Variants in LRGUK observed in about 807,000 individuals in gnomAD.
LRGUK encodes the protein leucine rich repeats and guanylate kinase domain containing.
Under a neutral mutation model 76.0 loss-of-function variants are expected in LRGUK, and 65 were observed. The ratio of observed to expected loss-of-function variants is 0.85; its 90% confidence interval spans 0.70 to 1.05. LRGUK has a LOEUF of 1.05. Among genes scored for constraint, LRGUK ranks in the 50% least tolerant of loss-of-function variants. The pLI is 0.00. For synonymous variants in LRGUK, 268 were observed against 265.6 expected, an observed-to-expected ratio of 1.01 and a Z score of -0.09; for missense variants, 758 against 732.8, an observed-to-expected ratio of 1.03 and a Z score of -0.40.
At chr7:134,239,972 AC>A (rs1344902400) in intron 16 of LRGUK, among the ~76,000 whole-genome samples, 1 of 152,226 alleles carries the variant, frequency 6.6e-6, no homozygotes, top group African/African-American at 2.4e-5. Flanking sequence ...ACTCTGACAG[AC>A]CTGCAGCTGA....
chr7:134,265,200 G>A (rs574452448), downstream of LRGUK, among the ~76,000 whole-genome samples: 28 of 152,232 alleles, frequency 1.8e-4, no homozygotes, highest in Admixed American at 9.8e-4. Context: ...CACAAGTATC[G>A]TCTAATCTTT....
At chr7:134,186,540 T>C (rs1799986398) in intron 11 of LRGUK, among the ~76,000 whole-genome samples, 1 of 152,254 alleles carries the variant, frequency 6.6e-6, no homozygotes, top group Non-Finnish European at 1.5e-5. Flanking sequence ...GCTGAATTAA[T>C]GGCATGGTGT....
rs532174462 is a variant in LRGUK at position 134,145,235 on chromosome 7, GTTTTC to G, written c.588+2093_588+2097del. On this transcript the variant is annotated intron_variant, in intron 4 of 15. Transcript: ENST00000645682. ...GAATGATGGTGGCCTCCTGGTGTAT[GTTTTC>G]TTTTCTTTTCTTTTCTTTTTTTTTA... is the stretch of plus-strand genomic sequence containing the variant. 6.7e-3 allele frequency among the ~76,000 whole-genome samples: 1,017 copies of G among 152,004 alleles called. 3 individuals carry two copies. The highest frequency in any genetic ancestry group is 0.014 in the Middle Eastern group (4 of 294).
At chr7:134,191,812 T>G in intron 12 of LRGUK, 61 bp downstream of exon 12, 1 of 1,110,260 alleles carries the variant, frequency 9.0e-7, no homozygotes, top group African/African-American at 1.6e-5. Flanking sequence ...GCAAAAATGT[T>G]AGGAAATAGT....
At chr7:134,238,652 A>T (rs1802067247) in intron 16 of LRGUK, among the ~76,000 whole-genome samples, 1 of 151,512 alleles carries the variant, frequency 6.6e-6, no homozygotes, top group African/African-American at 2.4e-5. Context: ...CATTTTCTTA[A>T]TGTCTTTCGT....
intron 17 of LRGUK, among the ~76,000 whole-genome samples, chr7:134,248,078 G>T (rs1231141205): frequency 1.3e-5 from 2 of 152,198 alleles, no homozygotes; most frequent in Non-Finnish European, 2.9e-5. Context: ...AAAACAGAGT[G>T]ATTAATTTTC....
chr7:134,192,849 T>A (rs1351453608), intron 12 of LRGUK, among the ~76,000 whole-genome samples: 1 of 152,220 alleles, frequency 6.6e-6, no homozygotes, highest in Non-Finnish European at 1.5e-5. Context: ...GATGAGGGAC[T>A]CATCTGTGTT....
At chr7:134,241,566 A>T (rs558094852) in intron 16 of LRGUK, among the ~76,000 whole-genome samples, 1 of 152,316 alleles carries the variant, frequency 6.6e-6, no homozygotes, top group South Asian at 2.1e-4. Flanking sequence ...AAGTCCTTAG[A>T]GACCTATATA....
At chr7:134,142,435 A>G (rs1797804233) in intron 3 of LRGUK, among the ~76,000 whole-genome samples, 1 of 152,178 alleles carries the variant, frequency 6.6e-6, no homozygotes, top group Non-Finnish European at 1.5e-5. Flanking sequence ...GTAGTTCTTT[A>G]CTTAGTGTTC....
rs76362354 is a variant in LRGUK at position 134,176,204 on chromosome 7, C to G, written c.1021-773C>G. ...GAACACATGGACACAGGGAGGAGAACAACATACCCTGGGGCCTGTCAGGGG... is the reference window on the plus strand; with the variant it reads ...GAACACATGGACACAGGGAGGAGAAGAACATACCCTGGGGCCTGTCAGGGG... On this transcript the variant is annotated intron_variant, in intron 8 of 15. Transcript: ENST00000645682. 6.4e-3 allele frequency among the ~76,000 whole-genome samples: 968 copies of G among 152,124 alleles called. 3 individuals are homozygous for G. Among genetic ancestry groups the G allele is most frequent in the Non-Finnish European group, 0.011 (764 of 67,992 alleles).
At chr7:134,135,834 T>G (rs539985478) in intron 1 of LRGUK, among the ~76,000 whole-genome samples, 1 of 152,328 alleles carries the variant, frequency 6.6e-6, no homozygotes, top group South Asian at 2.1e-4. Flanking sequence ...TTTTTTGTAT[T>G]TTTAGTAGAG....
At chr7:134,260,556 A>T (rs910484037) in intron 19 of LRGUK, among the ~76,000 whole-genome samples, 1 of 152,212 alleles carries the variant, frequency 6.6e-6, no homozygotes, top group Non-Finnish European at 1.5e-5. Flanking sequence ...TGCAGGCTTC[A>T]CATCTTTTCA....
chr7:134,161,697 T>TTC (rs1313606685), intron 6 of LRGUK, among the ~76,000 whole-genome samples: 2 of 148,114 alleles, frequency 1.4e-5, no homozygotes, highest in East Asian at 3.9e-4. Context: ...TCTTTTTTTT[T>TTC]TTTTTTTTTT....
At chr7:134,234,595 G>T (rs1020890079) in intron 16 of LRGUK, among the ~76,000 whole-genome samples, 4 of 151,960 alleles carry the variant, frequency 2.6e-5, no homozygotes, top group Non-Finnish European at 5.9e-5. Flanking sequence ...TGATAAATTT[G>T]TTCTTCTAAG....
Position 134,183,857 on chromosome 7 carries a change from A to C in LRGUK, c.1334+4A>C, listed in dbSNP as rs749633396. 3 of 1,613,660 alleles carry C rather than the reference A, an allele frequency of 1.9e-6. No homozygotes were observed. Among genetic ancestry groups the C allele is most frequent in the Non-Finnish European group, 2.5e-6 (3 of 1,179,770 alleles). ...TTAGCACTTACTTCAGATATGGGTA[A>C]GTTTGTTTATTGGCTTGTTAAGACT... On this transcript the variant is annotated splice_donor_region_variant and intron_variant, in intron 11 of 15. Coordinates refer to ENST00000645682, the Ensembl canonical transcript of LRGUK.
Position 134,225,125 on chromosome 7 carries a change from G to GAAAAAAAAAAAAA in LRGUK, c.1983+3219_1983+3231dup, listed in dbSNP as rs769671717. 1.1e-4 allele frequency among the ~76,000 whole-genome samples: 7 copies of GAAAAAAAAAAAAA among 60,898 alleles called. 1 individual carries two copies. The highest frequency in any genetic ancestry group is 1.6e-4 in the Non-Finnish European group (5 of 31,682). 40.0% of individuals were successfully genotyped at this position (60,898 alleles called of 152,430 possible). A position where few individuals can be genotyped will look rare whatever the true frequency, so the allele number is the denominator to read the frequency against. On this transcript the variant is annotated intron_variant, in intron 16 of 19. Coordinates refer to the LRGUK transcript ENST00000285928. ...GGCTGGGGACAGGGGAACAGAACTG[G>GAAAAAAAAAAAAA]AAAAAAAAAAAAAAAAAAAAAAAAC... is the stretch of plus-strand genomic sequence containing the variant.
At chr7:134,242,429 A>G (rs1380094028) in intron 16 of LRGUK, among the ~76,000 whole-genome samples, 15 of 152,232 alleles carry the variant, frequency 9.9e-5, no homozygotes, top group African/African-American at 2.7e-4. Context: ...AAACACTTCT[A>G]TGCAAATAAA....
intron 1 of LRGUK, among the ~76,000 whole-genome samples, chr7:134,134,842 C>G (rs1585412773): frequency 6.6e-6 from 1 of 152,322 alleles, no homozygotes; most frequent in Admixed American, 6.5e-5. Flanking sequence ...TTTCTGACTT[C>G]ATCAATTAGT....
At chr7:134,182,119 T>C (rs114567841) in intron 10 of LRGUK, among the ~76,000 whole-genome samples, 41 of 152,310 alleles carry the variant, frequency 2.7e-4, no homozygotes, top group African/African-American at 7.2e-4. Context: ...CCTCTTGGGA[T>C]TGGCTTTTTT....
Sources: allele counts gnomAD v4.1 joint callset (sites outside exome capture counted in the v4.1 genomes callset), GRCh38; gene constraint gnomAD v4.1.1; transcripts MANE v1.5; gene names NCBI Gene and HGNC (gene_info 2026-07-23, HGNC 2026-07-21).